Variants in PHF24 observed in about 807,000 individuals in gnomAD.
PHF24 encodes the protein Galpha inhibitory interacting protein.
PHF24 carries 25 observed loss-of-function variants against 42.6 expected under a neutral mutation model. The ratio of observed to expected loss-of-function variants is 0.59; its 90% CI spans 0.43 to 0.82. The LOEUF (loss-of-function observed/expected upper bound fraction) is 0.82. Among genes scored for constraint, PHF24 ranks in the 40% least tolerant of loss-of-function variants. The probability of loss-of-function intolerance (pLI) is 0.00; values close to 1 mark genes in which losing one functional copy is unlikely to be tolerated. For synonymous variants in PHF24, 185 were observed against 204.8 expected, an observed-to-expected ratio of 0.90 and a Z score of 0.83; for missense variants, 470 against 538.1, an observed-to-expected ratio of 0.87 and a Z score of 1.25.
At chr9:34,945,108 A>G in the PHF24 span, among the ~76,000 whole-genome samples, 1 of 152,110 alleles carries the variant, frequency 6.6e-6, no homozygotes, top group African/African-American at 2.4e-5. Flanking sequence ...AGCAAAGGCA[A>G]TCCTTTCAAT....
the PHF24 span, among the ~76,000 whole-genome samples, chr9:34,706,215 C>T: frequency 1.3e-5 from 2 of 152,032 alleles, no homozygotes; most frequent in African/African-American, 4.8e-5. Flanking sequence ...TAATTATGAT[C>T]TAAATATGGT....
At chr9:34,697,195 C>G in the PHF24 span, among the ~76,000 whole-genome samples, 2 of 152,316 alleles carry the variant, frequency 1.3e-5, no homozygotes, top group East Asian at 3.9e-4. Flanking sequence ...GCTAGAACCT[C>G]GCTGGCCTGT....
chr9:34,905,584 A>G, the PHF24 span, among the ~76,000 whole-genome samples: 6 of 152,114 alleles, frequency 3.9e-5, no homozygotes, highest in African/African-American at 1.4e-4. Context: ...TGTAAAGGGG[A>G]GATTATTTTT....
At chr9:34,814,277 C>A in the PHF24 span, among the ~76,000 whole-genome samples, 1 of 152,110 alleles carries the variant, frequency 6.6e-6, no homozygotes, top group Non-Finnish European at 1.5e-5. Context: ...TTCTTACTAG[C>A]CATTTATTTT....
chr9:34,788,741 G>A, the PHF24 span, among the ~76,000 whole-genome samples: 1 of 152,126 alleles, frequency 6.6e-6, no homozygotes, highest in Non-Finnish European at 1.5e-5. Flanking sequence ...CCTGAGGAAA[G>A]GGAGGTCTAG....
At chr9:34,917,183 C>T in the PHF24 span, 6 of 1,441,794 alleles carry the variant, frequency 4.2e-6, no homozygotes, top group South Asian at 6.8e-5. Flanking sequence ...CCATGACCAC[C>T]TCAGCATGTT....
chr9:34,924,003 TC>T, the PHF24 span, among the ~76,000 whole-genome samples: 1,165 of 152,300 alleles, frequency 7.6e-3, 8 homozygotes, highest in African/African-American at 0.026. Context: ...GTATGTTGTT[TC>T]CATTATGGTT....
chr9:34,837,918 A>G, the PHF24 span, among the ~76,000 whole-genome samples: 5 of 152,270 alleles, frequency 3.3e-5, no homozygotes, highest in East Asian at 5.8e-4. Flanking sequence ...TATACCTTCC[A>G]TCTGATTCCC....
the PHF24 span, among the ~76,000 whole-genome samples, chr9:34,831,840 T>C: frequency 6.6e-6 from 1 of 152,154 alleles, no homozygotes; most frequent in African/African-American, 2.4e-5. Flanking sequence ...TACAGCAGGC[T>C]CCAAGATGGA....
In PHF24 at chr9:34,972,330, T is replaced by C; in HGVS notation, c.379-16T>C. 1 of 1,591,342 alleles carries C rather than the reference T, an allele frequency of 6.3e-7. No homozygotes were observed. The highest frequency in any genetic ancestry group is 8.6e-7 in the Non-Finnish European group (1 of 1,165,510). ...ACATTTACACATCCCTGTTTCCTCCTGCCATCTTTCTGCAGGTTGTCAACG... is the reference window on the plus strand; with the variant it reads ...ACATTTACACATCCCTGTTTCCTCCCGCCATCTTTCTGCAGGTTGTCAACG... On this transcript the variant is annotated splice_polypyrimidine_tract_variant and intron_variant, in intron 2 of 7. Transcript: ENST00000242315.
chr9:34,851,309 G>A, the PHF24 span, among the ~76,000 whole-genome samples: 2 of 152,182 alleles, frequency 1.3e-5, no homozygotes, highest in Admixed American at 6.5e-5. Context: ...GCAATGGCGG[G>A]CTCCCCTCCC....
At chr9:34,670,846 C>T in the PHF24 span, among the ~76,000 whole-genome samples, 1 of 152,058 alleles carries the variant, frequency 6.6e-6, no homozygotes, top group Non-Finnish European at 1.5e-5. Context: ...CATAGCCACC[C>T]ACTAGATTCC....
At chr9:34,665,877 C>T in the PHF24 span, 1 of 591,346 alleles carries the variant, frequency 1.7e-6, no homozygotes, top group East Asian at 2.8e-5. Context: ...CCGGTCATCT[C>T]CGGGGCCTGG....
At chr9:34,700,045 G>A in the PHF24 span, among the ~76,000 whole-genome samples, 1 of 152,188 alleles carries the variant, frequency 6.6e-6, no homozygotes, top group African/African-American at 2.4e-5. Flanking sequence ...CCATGCAGAG[G>A]TCTGTGGGAA....
chr9:34,827,575 G>A, the PHF24 span, among the ~76,000 whole-genome samples: 2 of 152,308 alleles, frequency 1.3e-5, no homozygotes, highest in Middle Eastern at 3.4e-3. Flanking sequence ...ATGGGATGGT[G>A]AGTGATCCTG....
the PHF24 span, among the ~76,000 whole-genome samples, chr9:34,809,397 A>G: frequency 6.6e-6 from 1 of 152,166 alleles, no homozygotes; most frequent in Non-Finnish European, 1.5e-5. This position sits in a 1 kb window ranked among gnomAD's most constrained non-coding sequence, Gnocchi z 4.1. Flanking sequence ...GGTCTGGTGT[A>G]ATGCACATTA....
the PHF24 span, among the ~76,000 whole-genome samples, chr9:34,672,398 C>T: frequency 6.6e-6 from 1 of 152,074 alleles, no homozygotes; most frequent in African/African-American, 2.4e-5. Flanking sequence ...TTCTAGTGGC[C>T]ATATTTCTTG....
chr9:34,670,356 T>C, the PHF24 span, among the ~76,000 whole-genome samples: 2 of 152,208 alleles, frequency 1.3e-5, no homozygotes, highest in African/African-American at 4.8e-5. Flanking sequence ...GTATCTAAAC[T>C]GGGGACAGTC....
At chr9:34,886,736 ATATCTATC>A in the PHF24 span, among the ~76,000 whole-genome samples, 2,796 of 148,220 alleles carry the variant, frequency 0.019, 108 homozygotes, top group African/African-American at 0.067. Flanking sequence ...TCATGGTTTT[ATATCTATC>A]TATCTATCTA....
Sources: gnomAD v4.1 joint callset for allele counts (sites outside exome capture counted in the v4.1 genomes callset) on GRCh38, gnomAD v4.1.1 for gene constraint, Gnocchi (gnomAD v3.1) non-coding constraint, MANE v1.5 for transcripts, NCBI Gene and HGNC (gene_info 2026-07-23, HGNC 2026-07-21) for gene names.